Variants in IQGAP1 observed in about 807,000 individuals in gnomAD.
The protein encoded by IQGAP1 is IQ motif containing GTPase activating protein 1, also known as ras GTPase-activating-like protein IQGAP1.
In IQGAP1, 66 loss-of-function variants were observed where a neutral mutation model predicts 215.6. That is an observed-to-expected ratio of 0.31 (90% CI 0.25 to 0.38). The LOEUF is 0.38. Among genes scored for constraint, IQGAP1 ranks in the 10% least tolerant of loss-of-function variants. IQGAP1 has a pLI of 1.00. For synonymous variants in IQGAP1, 772 were observed against 728.7 expected, an observed-to-expected ratio of 1.06 and a Z score of -0.96; for missense variants, 1,712 against 1,997.1, an observed-to-expected ratio of 0.86 and a Z score of 2.72.
chr15:90,490,019 A>G (rs1354817198), intron 33 of IQGAP1, among the ~76,000 whole-genome samples: 1 of 152,226 alleles, frequency 6.6e-6, no homozygotes. Flanking sequence ...TCCAAAGCTT[A>G]TGCTGTTTAC....
chr15:90,460,303 A>G (rs1965743914), intron 15 of IQGAP1, among the ~76,000 whole-genome samples: 1 of 152,146 alleles, frequency 6.6e-6, no homozygotes, highest in Admixed American at 6.5e-5. Flanking sequence ...CAGCCCACAC[A>G]TGCACTGTGG....
At chr15:90,443,310 T>C (rs1021093491) in intron 8 of IQGAP1, 84 bp from the exon 9 acceptor site, 9 of 779,498 alleles carry the variant, frequency 1.2e-5, no homozygotes, top group South Asian at 3.1e-5. Context: ...GGTAGTGTTA[T>C]GGTGCAGGAG....
At chr15:90,496,961 C>T (rs536880227) in intron 36 of IQGAP1, 7 of 264,594 alleles carry the variant, frequency 2.6e-5, no homozygotes, top group African/African-American at 1.6e-4. Context: ...TCCCTTCACA[C>T]GCCACTTGTG....
intron 30 of IQGAP1, 69 bp downstream of exon 30, chr15:90,484,421 C>A: frequency 7.5e-7 from 1 of 1,326,638 alleles, no homozygotes; most frequent in Non-Finnish European, 1.1e-6. Context: ...TGCTTATCAT[C>A]TCTGGTAGCC....
intron 9 of IQGAP1, among the ~76,000 whole-genome samples, chr15:90,445,294 A>G (rs1212831705): frequency 6.6e-6 from 1 of 151,972 alleles, no homozygotes; most frequent in Non-Finnish European, 1.5e-5. Context: ...CCTGCTATTT[A>G]GTAAGTACTC....
rs752826980 is a variant in IQGAP1, at chr15:90,473,884, C to T, written c.2434-12C>T. 1 of 1,613,662 alleles carries T rather than the reference C, an allele frequency of 6.2e-7. No homozygotes were observed. Among genetic ancestry groups the T allele is most frequent in the Non-Finnish European group, 8.5e-7 (1 of 1,179,888 alleles). On this transcript the variant is annotated splice_polypyrimidine_tract_variant and intron_variant, in intron 20 of 37. Transcript: ENST00000268182. ...AAGGACTCTTCTAATTTCCAGGATCCCTTTTCCACAGATTCAGTCCCTGGC... is the reference window on the plus strand; with the variant it reads ...AAGGACTCTTCTAATTTCCAGGATCTCTTTTCCACAGATTCAGTCCCTGGC...
intron 2 of IQGAP1, among the ~76,000 whole-genome samples, chr15:90,402,883 T>C (rs952192532): frequency 3.9e-5 from 6 of 152,050 alleles, no homozygotes; most frequent in African/African-American, 1.5e-4. Context: ...AATCAGCAGG[T>C]CATTTTACTG....
chr15:90,485,526 A>G (rs1396063625), intron 30 of IQGAP1, among the ~76,000 whole-genome samples: 2 of 151,974 alleles, frequency 1.3e-5, no homozygotes, highest in African/African-American at 2.4e-5. Flanking sequence ...TGCAACCTCC[A>G]CCTACTGGGT....
At position 90,388,259 on chromosome 15, in the gene IQGAP1, G is replaced by A. The variant is rs1964577936; in HGVS notation, c.-83G>A. The A allele has an allele frequency of 6.7e-7, 1 of 1,492,916 alleles. No individual in the cohort carries two copies. The highest frequency in any genetic ancestry group is 9.1e-7 in the Non-Finnish European group (1 of 1,095,104). The allele number at this position is 1,492,916 out of a possible 1,614,324, so 92.5% of individuals were successfully genotyped here. A position where few individuals can be genotyped will look rare whatever the true frequency, so the allele number is the denominator to read the frequency against. On this transcript the variant is annotated 5_prime_UTR_variant, in exon 1 of 38. Transcript: ENST00000268182. ...GCCTCGGGGACCCCGGCAAGCCCGC[G>A]CACTTGGCAGGAGCTGTAGCTACCG...
intron 8 of IQGAP1, 132 bp from the exon 9 acceptor site, chr15:90,443,262 G>A: frequency 1.8e-6 from 1 of 547,002 alleles, no homozygotes; most frequent in South Asian, 2.9e-5. Flanking sequence ...TGCCTGCTTT[G>A]TTCTTTATAA....
Position 90,494,573 on chromosome 15 carries a change from T to C in IQGAP1, c.4629-140T>C, listed in dbSNP as rs545583163. ...TATTGCTTAGGCTAATTCTAACATT[T>C]GTTTGCCATTTTAGAGTTGGTATGT... On this transcript the variant is annotated intron_variant, in intron 35 of 37. Coordinates refer to ENST00000268182, the MANE Select transcript of IQGAP1 (RefSeq NM_003870.4). 6.7e-5 allele frequency: 38 copies of C among 570,440 alleles called. No individual in the cohort carries two copies. The East Asian group carries it at 1.0e-3, about 16-fold the overall frequency. The allele number at this position is 570,440 out of a possible 1,614,324, so 35.3% of individuals were successfully genotyped here.
chr15:90,436,597 T>C (rs1347803041), intron 5 of IQGAP1, among the ~76,000 whole-genome samples: 1 of 152,168 alleles, frequency 6.6e-6, no homozygotes, highest in South Asian at 2.1e-4. Context: ...ACAGCTTAAG[T>C]AGGAAATAAG....
intron 5 of IQGAP1, among the ~76,000 whole-genome samples, chr15:90,437,921 G>A (rs1256044442): frequency 6.6e-6 from 1 of 152,154 alleles, no homozygotes; most frequent in East Asian, 1.9e-4. Context: ...TGAAAGAAAA[G>A]CATTTAATCA....
At chr15:90,478,540 A>C (rs1210882672) in intron 26 of IQGAP1, among the ~76,000 whole-genome samples, 2 of 152,346 alleles carry the variant, frequency 1.3e-5, no homozygotes, top group East Asian at 3.9e-4. Flanking sequence ...AGTTTTATGA[A>C]GTTTTATGTA....
intron 26 of IQGAP1, among the ~76,000 whole-genome samples, chr15:90,480,571 G>A (rs1156384245): frequency 6.6e-6 from 1 of 152,114 alleles, no homozygotes; most frequent in African/African-American, 2.4e-5. Context: ...GAATGTTTCT[G>A]TTGATTTTTG....
At chr15:90,485,147 G>A (rs901035678) in intron 30 of IQGAP1, among the ~76,000 whole-genome samples, 1 of 152,044 alleles carries the variant, frequency 6.6e-6, no homozygotes, top group Non-Finnish European at 1.5e-5. Flanking sequence ...TGGGGACATG[G>A]ACATGTAAAA....
chr15:90,400,733 A>AT (rs1964793070), intron 2 of IQGAP1, among the ~76,000 whole-genome samples: 1 of 152,196 alleles, frequency 6.6e-6, no homozygotes, highest in Admixed American at 6.5e-5. Context: ...GTTTTTATAT[A>AT]TTTTAATGTC....
chr15:90,452,984 C>T (rs766400508), intron 12 of IQGAP1, 46 bp downstream of exon 12: 16 of 1,604,834 alleles, frequency 1.0e-5, no homozygotes, highest in East Asian at 8.9e-5. Flanking sequence ...GTTGGGTGGA[C>T]GTGAGTGTAA....
At chr15:90,466,477 C>T (rs544243394) in intron 17 of IQGAP1, 41 bp downstream of exon 17, 1 of 1,599,022 alleles carries the variant, frequency 6.3e-7, no homozygotes, top group Non-Finnish European at 8.6e-7. Context: ...GAAGCTAACC[C>T]TTGAGTATAT....
Sources: gnomAD v4.1 joint callset for allele counts (sites outside exome capture counted in the v4.1 genomes callset) on GRCh38, gnomAD v4.1.1 for gene constraint, MANE v1.5 for transcripts, NCBI Gene and HGNC (gene_info 2026-07-23, HGNC 2026-07-21) for gene names.